Variants in ZNF385D observed in about 807,000 individuals in gnomAD.
The protein encoded by ZNF385D is zinc finger protein 385D.
Under a neutral mutation model 35.8 loss-of-function variants are expected in ZNF385D, and 15 were observed. The ratio of observed to expected loss-of-function variants is 0.42; its 90% confidence interval spans 0.28 to 0.64. The LOEUF is 0.64. Ranked by LOEUF, ZNF385D falls within the 30% of genes least tolerant of loss-of-function variation. The pLI is 0.23. For missense variants in ZNF385D, 474 were observed against 494.6 expected, an observed-to-expected ratio of 0.96 and a Z score of 0.39; for synonymous variants, 212 against 186.8, an observed-to-expected ratio of 1.13 and a Z score of -1.10.
rs534964315 is a variant in ZNF385D, at chr3:22,147,048, A to G, written c.325+21769T>C. 1.3e-4 allele frequency among the ~76,000 whole-genome samples: 20 copies of G among 152,340 alleles called. 1 individual carries two copies. The highest frequency in any genetic ancestry group is 4.8e-4 in the African/African-American group (20 of 41,582). On this transcript the variant is annotated intron_variant, in intron 3 of 5. Transcript: ENST00000494108. ...TTAGCAAATCTGACATTGTATTTAGAGTTACCCAATTAAAGGTATAGTAGT... is the reference window on the plus strand; with the variant it reads ...TTAGCAAATCTGACATTGTATTTAGGGTTACCCAATTAAAGGTATAGTAGT...
chr3:21,776,923 G>C (rs923114416), intron 3 of ZNF385D, among the ~76,000 whole-genome samples: 1 of 151,888 alleles, frequency 6.6e-6, no homozygotes, highest in Non-Finnish European at 1.5e-5. Context: ...AAAGTTCCCA[G>C]TTCTCTCCCC....
chr3:22,046,198 A>G (rs994098776), intron 3 of ZNF385D, among the ~76,000 whole-genome samples: 3 of 152,146 alleles, frequency 2.0e-5, no homozygotes, highest in Non-Finnish European at 4.4e-5. Flanking sequence ...GAAAATATTC[A>G]TACGGGGTTT....
At chr3:21,853,506 CCTT>C (rs1559692497) in intron 3 of ZNF385D, among the ~76,000 whole-genome samples, 50 of 35,898 alleles carry the variant, frequency 1.4e-3, no homozygotes, top group African/African-American at 1.7e-3. Flanking sequence ...AAATTGCAGT[CCTT>C]TTTTTTTTTT....
rs1008489711 is a variant in ZNF385D at position 21,570,045 on chromosome 3, C to T, written c.166-5361G>A. 2.9e-4 allele frequency among the ~76,000 whole-genome samples: 44 copies of T among 151,064 alleles called. 1 individual carries two copies. The highest frequency in any genetic ancestry group is 1.0e-3 in the African/African-American group (43 of 41,038). ...CACATTGTGCACATGTACCCTAAAA[C>T]TTAAAGTATAATAATAATAATAATA... On this transcript the variant is annotated intron_variant, in intron 2 of 7. Coordinates refer to ENST00000281523, the MANE Select transcript of ZNF385D (RefSeq NM_024697.3).
At chr3:22,372,324 G>T (rs1183320022) in intron 2 of ZNF385D, 1 of 467,110 alleles carries the variant, frequency 2.1e-6, no homozygotes, top group Non-Finnish European at 2.8e-6. Flanking sequence ...CCCATTCCGC[G>T]CCCCCCATGC....
intron 3 of ZNF385D, among the ~76,000 whole-genome samples, chr3:21,538,629 CCCA>C (rs2062095850): frequency 2.6e-5 from 4 of 152,076 alleles, no homozygotes; most frequent in Admixed American, 2.6e-4. Flanking sequence ...GAAACTGGAT[CCCA>C]CCACCACTGT....
At chr3:22,184,127 C>G (rs1333453441) in intron 2 of ZNF385D, among the ~76,000 whole-genome samples, 2 of 152,160 alleles carry the variant, frequency 1.3e-5, no homozygotes, top group African/African-American at 4.8e-5. Context: ...AGTGTGCTGA[C>G]TGTAACATGT....
intron 2 of ZNF385D, among the ~76,000 whole-genome samples, chr3:22,287,842 T>G (rs1559500177): frequency 6.6e-6 from 1 of 152,110 alleles, no homozygotes; most frequent in Non-Finnish European, 1.5e-5. Context: ...TTACTTTTAT[T>G]TTGTGAGTTT....
rs10548171 is a variant in ZNF385D, at chr3:22,159,083, TGAA to T, written c.325+9731_325+9733del. Among the ~76,000 whole-genome samples, 1,247 of 151,920 alleles carry T rather than the reference TGAA, an allele frequency of 8.2e-3. 20 individuals carry two copies. Among genetic ancestry groups the T allele is most frequent in the African/African-American group, 0.029 (1,195 of 41,454 alleles). On this transcript the variant is annotated intron_variant, in intron 3 of 5. Transcript: ENST00000494108. Reference sequence around the variant, plus strand: ...ATTAGTAACTGAAAGAGGTAAAAGATGAAGAAACAAGGTAGCTCTATGTGTACT... The same window carrying T: ...ATTAGTAACTGAAAGAGGTAAAAGATGAAACAAGGTAGCTCTATGTGTACT...
intron 2 of ZNF385D, among the ~76,000 whole-genome samples, chr3:22,346,975 T>C (rs1017041089): frequency 3.9e-4 from 60 of 152,188 alleles, no homozygotes; most frequent in African/African-American, 1.4e-3. Context: ...AGTATCCACC[T>C]AAGTAGTTGA....
chr3:22,019,027 T>G (rs1350984545), intron 3 of ZNF385D, among the ~76,000 whole-genome samples: 2 of 146,992 alleles, frequency 1.4e-5, no homozygotes, highest in African/African-American at 5.1e-5. Context: ...TGGATAGAGT[T>G]ATTTACCTTT....
intron 1 of ZNF385D, among the ~76,000 whole-genome samples, chr3:21,673,812 A>T (rs1244154786): frequency 6.6e-6 from 1 of 152,150 alleles, no homozygotes; most frequent in Non-Finnish European, 1.5e-5. Context: ...GTTTATTAGT[A>T]TCTGATAACC....
chr3:21,519,309 A>G (rs1707772753), intron 3 of ZNF385D, among the ~76,000 whole-genome samples: 1 of 152,188 alleles, frequency 6.6e-6, no homozygotes, highest in Non-Finnish European at 1.5e-5. Context: ...AAGTACTTAC[A>G]TGGCTGTGAA....
chr3:22,162,425 A>G (rs1706021713), intron 3 of ZNF385D, among the ~76,000 whole-genome samples: 2 of 151,260 alleles, frequency 1.3e-5, no homozygotes, highest in African/African-American at 2.5e-5. Flanking sequence ...CCTTACCCAA[A>G]ACTAAGATTA....
At chr3:21,730,649 A>G (rs1000516959) in intron 1 of ZNF385D, among the ~76,000 whole-genome samples, 3 of 152,266 alleles carry the variant, frequency 2.0e-5, no homozygotes, top group African/African-American at 7.2e-5. Context: ...TGTAAAAGAA[A>G]AAAAGTGTAA....
chr3:21,522,192 T>C (rs1047818036), intron 3 of ZNF385D, among the ~76,000 whole-genome samples: 3 of 152,188 alleles, frequency 2.0e-5, no homozygotes, highest in Non-Finnish European at 4.4e-5. Context: ...ACTGACCCCA[T>C]CTCAGGGCAC....
At chr3:21,833,367 C>A (rs2125769234) in intron 3 of ZNF385D, among the ~76,000 whole-genome samples, 1 of 152,224 alleles carries the variant, frequency 6.6e-6, no homozygotes, top group Middle Eastern at 3.4e-3. Flanking sequence ...AAAAAGGTTA[C>A]CCTGCATTAT....
chr3:22,080,109 T>C lies in ZNF385D; in HGVS notation c.325+88708A>G, dbSNP rs907230684. ...ATCGTTTTATAAGATGTTTTTGCCA[T>C]TACAGTTTGTCATATAATTACTTAG... On this transcript the variant is annotated intron_variant, in intron 3 of 5. Coordinates refer to the ZNF385D transcript ENST00000494108. Among the ~76,000 whole-genome samples, 30 of 152,194 alleles carry C rather than the reference T, an allele frequency of 2.0e-4. 1 individual carries two copies. The highest frequency in any genetic ancestry group is 3.7e-4 in the Non-Finnish European group (25 of 68,034).
chr3:22,134,474 T>C (rs2125692137), intron 3 of ZNF385D: 1 of 152,244 alleles, frequency 6.6e-6, no homozygotes, highest in East Asian at 1.9e-4. Flanking sequence ...TCTGGAAGAA[T>C]ATGGAAGATC....
Sources: gnomAD v4.1 joint callset for allele counts (sites outside exome capture counted in the v4.1 genomes callset) on GRCh38, gnomAD v4.1.1 for gene constraint, MANE v1.5 for transcripts, NCBI Gene and HGNC (gene_info 2026-07-23, HGNC 2026-07-21) for gene names.